YTHDF2: variants seen among roughly 807,000 people sequenced by gnomAD.
YTHDF2 encodes the protein YTH N6-methyladenosine RNA binding protein F2.
A neutral mutation model predicts 50.4 loss-of-function variants in YTHDF2; 2 were observed. The observed-to-expected ratio is 0.04, with a 90% CI of 0.02 to 0.12. YTHDF2 has a LOEUF of 0.12. Ranked by LOEUF, YTHDF2 falls within the 10% of genes least tolerant of loss-of-function variation. The probability of loss-of-function intolerance (pLI) is 1.00; values close to 1 mark genes in which losing one functional copy is unlikely to be tolerated. For missense variants in YTHDF2, 483 were observed against 722.6 expected, an observed-to-expected ratio of 0.67 and a Z score of 3.80; for synonymous variants, 217 against 255.6, an observed-to-expected ratio of 0.85 and a Z score of 1.44.
At chr1:28,751,255 C>A (rs1053448070) in intron 4 of YTHDF2, among the ~76,000 whole-genome samples, 24 of 151,692 alleles carry the variant, frequency 1.6e-4, no homozygotes, top group African/African-American at 5.6e-4. Context: ...GAGACTGTCT[C>A]AAAAAAAATT....
intron 4 of YTHDF2, among the ~76,000 whole-genome samples, chr1:28,747,106 CA>C (rs1450504671): frequency 6.6e-6 from 1 of 152,034 alleles, no homozygotes; most frequent in African/African-American, 2.4e-5. Context: ...AGCTTTTAAT[CA>C]AGTATGTATT....
rs973111121 is a variant in YTHDF2, at chr1:28,737,414, C to T, written c.28-244C>T. ...TCGTTTTCCTTCCTTGTTTCCTTCC[C>T]CTTCCTTAAAGCCCTGGGTTCCTCG... On this transcript the variant is annotated intron_variant, in intron 1 of 4. Coordinates refer to ENST00000373812, the MANE Select transcript of YTHDF2 (RefSeq NM_016258.3). The T allele has an allele frequency of 3.4e-5, 22 of 639,016 alleles. No homozygotes were observed. The Admixed American group carries it at 5.9e-4, about 17-fold the overall frequency. The allele number at this position is 639,016 out of a possible 1,614,324, so 39.6% of individuals were successfully genotyped here. A position where few individuals can be genotyped will look rare whatever the true frequency, so the allele number is the denominator to read the frequency against.
rs778789787 is a variant in YTHDF2 at position 28,742,968 on chromosome 1, C to T, written c.698C>T (p.Pro233Leu). 4 of 1,614,046 alleles carry T rather than the reference C, an allele frequency of 2.5e-6. No individual in the cohort carries two copies. The highest frequency in any genetic ancestry group is 3.4e-6 in the Non-Finnish European group (4 of 1,180,018). ...SNSLPPATIA[P>L]PKPASWADIA... ...AGTTTGCCTCCAGCCACCATTGCTC[C>T]TCCAAAACCAGCATCTTGGGCTGAT... Residue 233 changes from proline to leucine, a missense_variant, in exon 4 of 5, where the codon CCT becomes CTT. This residue lies in a region of YTHDF2 where 385 missense variants were observed against 475.8 expected (regional missense o/e 0.81). Coordinates refer to ENST00000373812, the MANE Select transcript of YTHDF2 (RefSeq NM_016258.3).
chr1:28,758,712 C>T (rs1410145830), intron 4 of YTHDF2, among the ~76,000 whole-genome samples: 1 of 152,156 alleles, frequency 6.6e-6, no homozygotes, highest in East Asian at 1.9e-4. Flanking sequence ...TGCAGGGTTA[C>T]CTCACTTTGG....
intron 3 of YTHDF2, among the ~76,000 whole-genome samples, chr1:28,739,786 C>G (rs1006090091): frequency 6.6e-6 from 1 of 152,164 alleles, no homozygotes; most frequent in Non-Finnish European, 1.5e-5. Context: ...GATTCAAATA[C>G]TAATATGACC....
intron 4 of YTHDF2, among the ~76,000 whole-genome samples, chr1:28,760,081 C>T (rs1228102991): frequency 6.6e-6 from 1 of 152,136 alleles, no homozygotes; most frequent in Non-Finnish European, 1.5e-5. Flanking sequence ...ACATCTTGTT[C>T]GATTGGAAAG....
At chr1:28,767,328 AT>A (rs2088233483) in intron 4 of YTHDF2, among the ~76,000 whole-genome samples, 2 of 152,110 alleles carry the variant, frequency 1.3e-5, no homozygotes, top group Non-Finnish European at 2.9e-5. Context: ...ACTATTTTAA[AT>A]GCTATTAAGT....
chr1:28,738,155 G>A, intron 2 of YTHDF2, 104 bp from the exon 3 acceptor site: 2 of 849,754 alleles, frequency 2.4e-6, no homozygotes, highest in Non-Finnish European at 3.8e-6. Context: ...AATCTTACGT[G>A]CTTTGTTAAC....
chr1:28,738,358 C>T lies in YTHDF2; in HGVS notation c.132+20C>T, dbSNP rs780449156. 1.9e-6 allele frequency: 3 copies of T among 1,576,264 alleles called. No homozygotes were observed. Among genetic ancestry groups the T allele is most frequent in the Admixed American group, 1.7e-5 (1 of 59,738 alleles). On this transcript the variant is annotated intron_variant, in intron 3 of 4. Transcript: ENST00000373812. ...AGGCCCGTGAGTAGTTAACTATTTA[C>T]ATATCTAATCGAAGGGTGTGGTATA... is the stretch of plus-strand genomic sequence containing the variant.
intron 4 of YTHDF2, among the ~76,000 whole-genome samples, chr1:28,752,917 A>G (rs2124187729): frequency 6.6e-6 from 1 of 152,012 alleles, no homozygotes; most frequent in East Asian, 2.0e-4. Context: ...TTGGTGGCGC[A>G]TAACTAAAGT....
At chr1:28,752,327 C>T (rs1232334955) in intron 4 of YTHDF2, among the ~76,000 whole-genome samples, 1 of 152,006 alleles carries the variant, frequency 6.6e-6, no homozygotes, top group African/African-American at 2.4e-5. Context: ...GAGACGGAGT[C>T]TCACTTGTTG....
At chr1:28,747,270 T>C (rs1347439095) in intron 4 of YTHDF2, among the ~76,000 whole-genome samples, 1 of 151,650 alleles carries the variant, frequency 6.6e-6, no homozygotes, top group African/African-American at 2.4e-5. Context: ...AGCTAACTAA[T>C]GGCTCTTTTT....
chr1:28,744,445 A>G (rs960582067), intron 4 of YTHDF2, among the ~76,000 whole-genome samples: 3 of 152,190 alleles, frequency 2.0e-5, no homozygotes, highest in African/African-American at 4.8e-5. Context: ...AACTCTTGAA[A>G]TCACTTCTGT....
At position 28,737,875 on chromosome 1, in the gene YTHDF2, A is replaced by G. The variant is rs549468546; in HGVS notation, c.52+193A>G. The G allele has an allele frequency of 3.1e-5, 20 of 649,294 alleles. No homozygotes were observed. In the African/African-American group the frequency reaches 3.5e-4, roughly 11 times the overall value. 40.2% of individuals were successfully genotyped at this position (649,294 alleles called of 1,614,324 possible). A position where few individuals can be genotyped will look rare whatever the true frequency, so the allele number is the denominator to read the frequency against. ...AACAGCTTTTTCGCTAACAAGGAGT[A>G]ATTCATTAAGGGTGGGGGTGGATTG... On this transcript the variant is annotated intron_variant, in intron 2 of 4. Transcript: ENST00000373812.
At chr1:28,751,570 G>C (rs1329547334) in intron 4 of YTHDF2, among the ~76,000 whole-genome samples, 1 of 152,152 alleles carries the variant, frequency 6.6e-6, no homozygotes, top group East Asian at 1.9e-4. Context: ...CACCTTCCTT[G>C]CTTTGTGAAT....
intron 4 of YTHDF2, among the ~76,000 whole-genome samples, chr1:28,761,475 G>T (rs1157212894): frequency 6.6e-6 from 1 of 152,106 alleles, no homozygotes; most frequent in East Asian, 1.9e-4. Flanking sequence ...GGTGGCCCAT[G>T]CCTGTAATCC....
chr1:28,747,980 T>G (rs1328550533), intron 4 of YTHDF2, among the ~76,000 whole-genome samples: 1 of 149,362 alleles, frequency 6.7e-6, no homozygotes, highest in Admixed American at 6.8e-5. Context: ...TACAAAAAAT[T>G]AGCTGGGTGT....
At chr1:28,764,798 C>T (rs2088192487) in intron 4 of YTHDF2, among the ~76,000 whole-genome samples, 1 of 152,164 alleles carries the variant, frequency 6.6e-6, no homozygotes, top group African/African-American at 2.4e-5. Flanking sequence ...CCTTCCTCGG[C>T]CTCCTAGAGT....
At chr1:28,747,310 G>T (rs180986082) in intron 4 of YTHDF2, among the ~76,000 whole-genome samples, 138 of 152,012 alleles carry the variant, frequency 9.1e-4, no homozygotes, top group African/African-American at 3.2e-3. Context: ...GGTGGCTCAT[G>T]CCTGTAATCC....
Sources: gnomAD v4.1 joint callset for allele counts (sites outside exome capture counted in the v4.1 genomes callset) on GRCh38, gnomAD v4.1.1 for gene constraint, gnomAD v4.1.1 regional missense constraint, MANE v1.5 for transcripts, NCBI Gene and HGNC (gene_info 2026-07-23, HGNC 2026-07-21) for gene names.